Variants in TENM1 observed in about 807,000 individuals in gnomAD.
The protein encoded by TENM1 is teneurin-1.
In TENM1, 35 loss-of-function variants were observed where a neutral mutation model predicts 174.8. That is an observed-to-expected ratio of 0.20 (90% confidence interval 0.15 to 0.27). The LOEUF is 0.27. Ranked by LOEUF, TENM1 falls within the 10% of genes least tolerant of loss-of-function variation. The probability of loss-of-function intolerance (pLI) is 1.00; values close to 1 mark genes in which losing one functional copy is unlikely to be tolerated. For missense variants in TENM1, 1,633 were observed against 2,130.1 expected, an observed-to-expected ratio of 0.77 and a Z score of 4.59; for synonymous variants, 781 against 798.7, an observed-to-expected ratio of 0.98 and a Z score of 0.37.
chrX:124,880,866 C>T (rs1399269094), intron 3 of TENM1, among the ~76,000 whole-genome samples: 1 of 111,984 alleles, frequency 8.9e-6, no homozygotes, highest in Non-Finnish European at 1.9e-5. Context: ...ACCATCTTTG[C>T]ACCTCTGGGA....
At chrX:124,462,439 G>T (rs1431347565) in intron 22 of TENM1, among the ~76,000 whole-genome samples, 14 of 88,094 alleles carry the variant, frequency 1.6e-4, no homozygotes, top group Non-Finnish European at 2.9e-4. Context: ...TGTGGGGGGG[G>T]TGGGGGTGGG....
At chrX:124,438,652 C>T (rs758239698) in intron 23 of TENM1, among the ~76,000 whole-genome samples, 3 of 111,833 alleles carry the variant, frequency 2.7e-5, no homozygotes, top group East Asian at 5.6e-4. Context: ...CGGTACTTGA[C>T]TTTTATTTTA....
chrX:124,738,541 G>T (rs1221258174), intron 3 of TENM1, among the ~76,000 whole-genome samples: 1 of 111,625 alleles, frequency 9.0e-6, no homozygotes, highest in Non-Finnish European at 1.9e-5. Flanking sequence ...AGGGAGTGGT[G>T]ATCATTCATT....
At chrX:124,871,426 G>T (rs1252829223) in intron 3 of TENM1, among the ~76,000 whole-genome samples, 1 of 111,317 alleles carries the variant, frequency 9.0e-6, no homozygotes, top group Non-Finnish European at 1.9e-5. Context: ...AGAGCTTTCA[G>T]GATGACTCCA....
intron 22 of TENM1, among the ~76,000 whole-genome samples, chrX:124,473,388 CTCT>C (rs1445255397): frequency 9.0e-6 from 1 of 111,526 alleles, no homozygotes; most frequent in Non-Finnish European, 1.9e-5. Context: ...GTGGTGAGGA[CTCT>C]TCTTTTTCAT....
the TENM1 span, among the ~76,000 whole-genome samples, chrX:125,191,114 T>G: frequency 8.9e-6 from 1 of 111,785 alleles, no homozygotes; most frequent in East Asian, 2.8e-4. Context: ...CAAATAATGC[T>G]TGGTGAAAAT....
At chrX:124,978,230 T>A in the TENM1 span, among the ~76,000 whole-genome samples, 105 of 111,384 alleles carry the variant, frequency 9.4e-4, no homozygotes, top group Admixed American at 2.4e-3. Context: ...ATTTGGTCAT[T>A]TTTGTCATAC....
intron 11 of TENM1, among the ~76,000 whole-genome samples, chrX:124,588,776 T>C (rs756289528): frequency 1.8e-5 from 2 of 112,267 alleles, no homozygotes; most frequent in South Asian, 7.5e-4. Context: ...TGAAGTCCTG[T>C]ATCAGTTCCA....
intron 3 of TENM1, among the ~76,000 whole-genome samples, chrX:124,755,640 C>T: frequency 9.0e-6 from 1 of 111,561 alleles, no homozygotes; most frequent in Non-Finnish European, 1.9e-5. Context: ...TTGTTCCTTT[C>T]CACGTTTAGT....
At chrX:124,397,720 C>G (rs1275479909) in intron 27 of TENM1, among the ~76,000 whole-genome samples, 3 of 109,776 alleles carry the variant, frequency 2.7e-5, no homozygotes, top group Non-Finnish European at 3.8e-5. Flanking sequence ...GCCTCAGCCT[C>G]CTGAGTAGCT....
chrX:124,589,779 G>T (rs947827311), intron 11 of TENM1, among the ~76,000 whole-genome samples: 2 of 111,255 alleles, frequency 1.8e-5, no homozygotes, highest in African/African-American at 6.5e-5. Flanking sequence ...TGTTATTTCT[G>T]ATTGTGCTTA....
intron 11 of TENM1, among the ~76,000 whole-genome samples, chrX:124,602,231 C>A (rs1252561832): frequency 9.0e-6 from 1 of 110,856 alleles, no homozygotes; most frequent in Non-Finnish European, 1.9e-5. Context: ...AGTATTATCT[C>A]ATCATAATTC....
intron 6 of TENM1, among the ~76,000 whole-genome samples, chrX:124,657,179 T>C (rs1364062059): frequency 8.9e-6 from 1 of 111,873 alleles, no homozygotes; most frequent in African/African-American, 3.3e-5. Context: ...AGGAAGACCA[T>C]ATTCTCCAGT....
chrX:125,189,759 T>C, the TENM1 span, among the ~76,000 whole-genome samples: 1 of 112,464 alleles, frequency 8.9e-6, no homozygotes, highest in Non-Finnish European at 1.9e-5. Context: ...TGACATCAAA[T>C]AATATATGTA....
intron 25 of TENM1, among the ~76,000 whole-genome samples, chrX:124,415,393 A>C (rs1211661310): frequency 9.0e-6 from 1 of 111,478 alleles, no homozygotes; most frequent in Non-Finnish European, 1.9e-5. Flanking sequence ...AGAAGGTGGG[A>C]GAAAGAACAA....
the TENM1 span, among the ~76,000 whole-genome samples, chrX:125,159,938 G>A: frequency 6.3e-5 from 7 of 111,495 alleles, no homozygotes; most frequent in African/African-American, 1.6e-4. Flanking sequence ...GGTGGCTCAC[G>A]CCTGTAATCC....
At chrX:125,000,144 C>A in the TENM1 span, among the ~76,000 whole-genome samples, 1 of 111,704 alleles carries the variant, frequency 9.0e-6, no homozygotes, top group Non-Finnish European at 1.9e-5. Context: ...TTTTGCAGTG[C>A]ATTGTAAATC....
At chrX:124,407,367 G>A (rs779065038) in intron 25 of TENM1, among the ~76,000 whole-genome samples, 3 of 111,928 alleles carry the variant, frequency 2.7e-5, no homozygotes, top group Non-Finnish European at 5.6e-5. Context: ...GTAAACACAT[G>A]TACTTGGAAA....
At chrX:124,881,235 T>C in intron 3 of TENM1, among the ~76,000 whole-genome samples, 1 of 111,674 alleles carries the variant, frequency 9.0e-6, no homozygotes, top group Middle Eastern at 4.6e-3. Context: ...AGGTTTTCTA[T>C]ATTTTCCTGA....
Sources: allele counts gnomAD v4.1 joint callset (sites outside exome capture counted in the v4.1 genomes callset), GRCh38; gene constraint gnomAD v4.1.1; transcripts MANE v1.5; gene names NCBI Gene and HGNC (gene_info 2026-07-23, HGNC 2026-07-21).